Variants in HK2 observed in about 807,000 individuals in gnomAD.
HK2 encodes the protein hexokinase-2.
Under a neutral mutation model 92.9 loss-of-function variants are expected in HK2, and 42 were observed. The observed-to-expected ratio is 0.45, with a 90% CI of 0.35 to 0.58. The LOEUF (loss-of-function observed/expected upper bound fraction) is 0.58, where lower values mean the gene tolerates loss of function less well. HK2 is among the 20% of genes least tolerant of loss of function. HK2 has a pLI of 0.00. For missense variants in HK2, 978 were observed against 1,245.1 expected, an observed-to-expected ratio of 0.79 and a Z score of 3.23; for synonymous variants, 422 against 468.0, an observed-to-expected ratio of 0.90 and a Z score of 1.27.
chr2:74,870,767 A>C (rs1689079621), intron 3 of HK2, among the ~76,000 whole-genome samples: 1 of 152,236 alleles, frequency 6.6e-6, no homozygotes. Context: ...GCTCACCTGC[A>C]CTGGTGATCC....
chr2:74,855,694 T>C lies in HK2; in HGVS notation c.226+1239T>C, dbSNP rs889048326. On this transcript the variant is annotated intron_variant, in intron 2 of 17. Transcript: ENST00000290573. ...AAAACATTTAATCTCTGCAGTAGCA[T>C]TGGGGAGTAAATGCAAGGTTTTGAG... Among the ~76,000 whole-genome samples the C allele has an allele frequency of 6.6e-5, 10 of 152,332 alleles. No homozygotes were observed. The South Asian group carries it at 8.3e-4, about 13-fold the overall frequency.
intron 1 of HK2, among the ~76,000 whole-genome samples, chr2:74,844,795 G>A (rs1688399103): frequency 6.6e-6 from 1 of 152,214 alleles, no homozygotes; most frequent in South Asian, 2.1e-4. Context: ...TGCAGTGTGG[G>A]CGCCAGCCTG....
rs1463088841 is a variant in HK2, at chr2:74,873,909, T to C, written c.657T>C (p.Tyr219=). 1 of 1,613,992 alleles carries C rather than the reference T, an allele frequency of 6.2e-7. No individual in the cohort carries two copies. The highest frequency in any genetic ancestry group is 1.1e-5 in the South Asian group (1 of 91,068). ...DTVGTMMTCG[Y]DDHNCEIGLI... Reference sequence around the variant, plus strand: ...TTGGGACCATGATGACCTGTGGTTATGATGACCACAACTGTGAGATTGGTC... The same window carrying C: ...TTGGGACCATGATGACCTGTGGTTACGATGACCACAACTGTGAGATTGGTC... Residue 219 remains tyrosine (Y), a synonymous_variant, in exon 6 of 18, where the codon TAT becomes TAC. Transcript: ENST00000290573.
intron 1 of HK2, among the ~76,000 whole-genome samples, chr2:74,853,075 A>G (rs1233338808): frequency 6.6e-6 from 1 of 152,122 alleles, no homozygotes; most frequent in African/African-American, 2.4e-5. Flanking sequence ...CTACAGAGAG[A>G]GGCCTGAAGG....
intron 1 of HK2, among the ~76,000 whole-genome samples, chr2:74,840,458 G>T (rs540671563): frequency 6.6e-6 from 1 of 151,916 alleles, no homozygotes; most frequent in African/African-American, 2.4e-5. Flanking sequence ...AGATACTTCC[G>T]GTTTAAAAGA....
intron 12 of HK2, among the ~76,000 whole-genome samples, chr2:74,883,166 G>A (rs957679864): frequency 3.3e-5 from 5 of 152,178 alleles, no homozygotes; most frequent in Non-Finnish European, 5.9e-5. Context: ...AGGAGTGCAC[G>A]TGCACGCTGC....
At chr2:74,882,077 C>A (rs560973449) in intron 11 of HK2, 43 bp from the exon 12 acceptor site, 1 of 1,604,028 alleles carries the variant, frequency 6.2e-7, no homozygotes, top group Non-Finnish European at 8.5e-7. Flanking sequence ...GCAGCCTGCC[C>A]TGCCCAGGGC....
At chr2:74,835,422 T>G (rs1046987681) in intron 1 of HK2, 1 of 152,474 alleles carries the variant, frequency 6.6e-6, no homozygotes, top group Non-Finnish European at 1.5e-5. Flanking sequence ...CCTGGATTAC[T>G]TGAGATTCTT....
intron 1 of HK2, among the ~76,000 whole-genome samples, chr2:74,838,278 C>T (rs1688217063): frequency 6.6e-6 from 1 of 152,112 alleles, no homozygotes; most frequent in Non-Finnish European, 1.5e-5. Flanking sequence ...GGAGACCTTT[C>T]TGGAGAAAGA....
rs753610835 is a variant in HK2, at chr2:74,885,497, A to G, written c.1843A>G (p.Ile615Val). ...PCQQNSLDES[I>V]LLKWTKGFKA... is the part of the protein sequence containing the mutation. The stretch of plus-strand genomic sequence containing the variant: ...CATGCTTGTGTGTGATTTTTAGAGC[A>G]TCCTCCTCAAGTGGACAAAAGGCTT... The change falls in exon 13 of 18, where the codon ATC becomes GTC. Residue 615 changes from isoleucine (I) to valine (V), a missense_variant. Ile to Val is a conservative substitution (Grantham distance 29, BLOSUM62 3). Transcript: ENST00000290573. 1 of 1,612,260 alleles carries G rather than the reference A, an allele frequency of 6.2e-7. No individual in the cohort carries two copies. The highest frequency in any genetic ancestry group is 1.7e-5 in the Admixed American group (1 of 60,020).
intron 15 of HK2, among the ~76,000 whole-genome samples, chr2:74,886,888 G>A (rs1689553153): frequency 6.6e-6 from 1 of 152,220 alleles, no homozygotes; most frequent in Non-Finnish European, 1.5e-5. Flanking sequence ...AGGAGAACAG[G>A]TGGGAGAATA....
intron 2 of HK2, among the ~76,000 whole-genome samples, chr2:74,861,327 C>T (rs904650108): frequency 6.6e-6 from 1 of 151,000 alleles, no homozygotes; most frequent in Non-Finnish European, 1.5e-5. Flanking sequence ...GGCTGAGACA[C>T]GAGAATCGCT....
At chr2:74,843,521 T>TAACCAAGCATAAC (rs1688365437) in intron 1 of HK2, among the ~76,000 whole-genome samples, 2 of 152,156 alleles carry the variant, frequency 1.3e-5, no homozygotes, top group Admixed American at 6.5e-5. Flanking sequence ...GGACATTCTT[T>TAACCAAGCATAAC]CCTGCCTTGG....
intron 2 of HK2, 89 bp downstream of exon 2, chr2:74,854,544 C>T: frequency 2.1e-6 from 3 of 1,410,596 alleles, no homozygotes; most frequent in Non-Finnish European, 3.0e-6. Context: ...ACTCAAAAGC[C>T]TCAGAAACCA....
intron 1 of HK2, among the ~76,000 whole-genome samples, chr2:74,846,305 C>A (rs1357678125): frequency 4.8e-5 from 6 of 124,648 alleles, no homozygotes; most frequent in African/African-American, 1.9e-4. Context: ...TGGGCCAAGT[C>A]AGTGCAACCT....
chr2:74,887,751 C>T, intron 15 of HK2, 152 bp from the exon 16 acceptor site: 1 of 748,838 alleles, frequency 1.3e-6, no homozygotes, highest in Non-Finnish European at 2.4e-6. Context: ...GGGATCCTGC[C>T]CAAGTGAATC....
chr2:74,889,528 T>C (rs752453166), intron 17 of HK2, 50 bp downstream of exon 17: 19 of 1,233,486 alleles, frequency 1.5e-5, no homozygotes, highest in Admixed American at 5.9e-5. Flanking sequence ...CTGTCTTTGT[T>C]CTTTCCCTTT....
At chr2:74,848,852 C>T (rs555867091) in intron 1 of HK2, among the ~76,000 whole-genome samples, 7 of 152,272 alleles carry the variant, frequency 4.6e-5, no homozygotes, top group East Asian at 1.9e-4. Flanking sequence ...ATGAGATGGG[C>T]GCTTCTGGGC....
chr2:74,871,830 C>G (rs925266173), intron 3 of HK2, among the ~76,000 whole-genome samples: 3 of 152,154 alleles, frequency 2.0e-5, no homozygotes, highest in East Asian at 3.8e-4. Flanking sequence ...CACCCCCCAC[C>G]CCATCACCAG....
Sources: gnomAD v4.1 joint callset for allele counts (sites outside exome capture counted in the v4.1 genomes callset) on GRCh38, gnomAD v4.1.1 for gene constraint, MANE v1.5 for transcripts, NCBI Gene and HGNC (gene_info 2026-07-23, HGNC 2026-07-21) for gene names.